The following PTPRN2 variants were observed in gnomAD, a reference collection of about 807,000 sequenced individuals.
PTPRN2 encodes protein tyrosine phosphatase receptor type N2.
PTPRN2 carries 74 observed loss-of-function variants against 118.8 expected under a neutral mutation model. The observed-to-expected ratio is 0.62, with a 90% CI of 0.52 to 0.76. The LOEUF (loss-of-function observed/expected upper bound fraction) is 0.76, where lower values mean the gene tolerates loss of function less well. Ranked by LOEUF, PTPRN2 falls within the 30% of genes least tolerant of loss-of-function variation. The pLI is 0.00. For synonymous variants in PTPRN2, 641 were observed against 608.0 expected (o/e 1.05, Z -0.80); for missense variants, 1,481 against 1,394.4 (o/e 1.06, Z -0.99).
intron 14 of PTPRN2, among the ~76,000 whole-genome samples, chr7:157,642,833 A>AAAAAAAAAAAAAAAAAAAC (rs1563293011): frequency 6.8e-6 from 1 of 146,550 alleles, no homozygotes; most frequent in Non-Finnish European, 1.5e-5. Context: ...AAAAAAAAAA[A>AAAAAAAAAAAAAAAAAAAC]AAAAAAAAAA....
Position 157,720,432 on chromosome 7 carries a change from C to T in PTPRN2, c.1789-37495G>A, listed in dbSNP as rs575519059. 3.9e-5 allele frequency among the ~76,000 whole-genome samples: 6 copies of T among 152,334 alleles called. No homozygotes were observed. In the East Asian group the frequency reaches 5.8e-4, roughly 15 times the overall value. ...AGCTCCTGCTCTGTGTTTGGGAACGCGTGCGGCCCACAGGACAAAGCCTTG... is the reference window on the plus strand; with the variant it reads ...AGCTCCTGCTCTGTGTTTGGGAACGTGTGCGGCCCACAGGACAAAGCCTTG... On this transcript the variant is annotated intron_variant, in intron 12 of 22. Coordinates refer to ENST00000389418, the MANE Select transcript of PTPRN2 (RefSeq NM_002847.5).
chr7:157,682,698 A>G (rs773234879), intron 13 of PTPRN2, 27 bp downstream of exon 13: 4 of 1,586,822 alleles, frequency 2.5e-6, no homozygotes, highest in Non-Finnish European at 3.5e-6. Flanking sequence ...AATCCGATAT[A>G]CCACTTTTTA....
intron 6 of PTPRN2, among the ~76,000 whole-genome samples, chr7:158,146,910 G>C (rs532226734): frequency 6.6e-6 from 1 of 151,722 alleles, no homozygotes; most frequent in South Asian, 2.1e-4. Context: ...CCTGTGAAGA[G>C]ACTGAATGAC....
intron 2 of PTPRN2, among the ~76,000 whole-genome samples, chr7:158,333,802 CTGAGGCCCACAGAG>C (rs1804997496): frequency 6.9e-6 from 1 of 144,258 alleles, no homozygotes; most frequent in Admixed American, 7.1e-5. Flanking sequence ...ACCATAAGAG[CTGAGGCCCACAGAG>C]GTCACTCACA....
chr7:157,969,885 G>A (rs1341251614), intron 11 of PTPRN2, among the ~76,000 whole-genome samples: 1 of 152,056 alleles, frequency 6.6e-6, no homozygotes, highest in Non-Finnish European at 1.5e-5. Context: ...GGGTCTTGGG[G>A]GAAATTCCCC....
intron 11 of PTPRN2, among the ~76,000 whole-genome samples, chr7:158,020,646 G>A (rs1806806680): frequency 6.6e-6 from 1 of 152,210 alleles, no homozygotes; most frequent in Admixed American, 6.5e-5. Context: ...TGCACCATGT[G>A]CTCCTCCTCT....
intron 15 of PTPRN2, among the ~76,000 whole-genome samples, chr7:157,620,890 C>A (rs996377331): frequency 6.6e-6 from 1 of 152,070 alleles, no homozygotes; most frequent in Non-Finnish European, 1.5e-5. Context: ...CCTCCCTCCC[C>A]GGGGACTGGT....
At chr7:158,114,055 T>C (rs77670967) in intron 9 of PTPRN2, among the ~76,000 whole-genome samples, 4 of 152,150 alleles carry the variant, frequency 2.6e-5, no homozygotes, top group African/African-American at 9.7e-5. Flanking sequence ...CCCAGGACAG[T>C]GTATTTAAAA....
intron 14 of PTPRN2, among the ~76,000 whole-genome samples, chr7:157,635,089 C>T (rs191805343): frequency 2.8e-4 from 43 of 152,340 alleles, no homozygotes; most frequent in South Asian, 1.0e-3. Context: ...AACCAGCCAA[C>T]GCCACGTATA....
intron 11 of PTPRN2, among the ~76,000 whole-genome samples, chr7:157,982,846 T>C (rs13307879): frequency 2.0e-4 from 15 of 76,464 alleles, no homozygotes; most frequent in Admixed American, 1.0e-3. Flanking sequence ...GTCACAGAGA[T>C]GAGGAGGGGA....
chr7:158,448,758 G>A lies in PTPRN2; in HGVS notation c.163+40977C>T, dbSNP rs534511469. 9.8e-5 allele frequency among the ~76,000 whole-genome samples: 15 copies of A among 152,304 alleles called. No individual in the cohort carries two copies. In the East Asian group the frequency reaches 1.5e-3, roughly 16 times the overall value. Reference sequence around the variant, plus strand: ...GCTGGGGGCATTTCCAGCCTAAGACGGGTTCAAGGCAACCCCACTCCAGTC... The same window carrying A: ...GCTGGGGGCATTTCCAGCCTAAGACAGGTTCAAGGCAACCCCACTCCAGTC... On this transcript the variant is annotated intron_variant, in intron 2 of 22. Coordinates refer to ENST00000389418, the MANE Select transcript of PTPRN2 (RefSeq NM_002847.5).
chr7:157,885,038 G>GT (rs1383241859), intron 12 of PTPRN2, among the ~76,000 whole-genome samples: 1 of 152,120 alleles, frequency 6.6e-6, no homozygotes. Flanking sequence ...TTGTGAATCG[G>GT]TTTTTTGTTA....
chr7:158,187,452 G>A (rs4909126), intron 5 of PTPRN2, among the ~76,000 whole-genome samples: 97,108 of 151,998 alleles, frequency 0.64, 31,697 homozygotes, highest in East Asian at 0.78. Context: ...GGGAGAAGCC[G>A]GGGCCCAGAT....
chr7:157,750,187 T>G (rs1326053495), intron 12 of PTPRN2, among the ~76,000 whole-genome samples: 1 of 152,170 alleles, frequency 6.6e-6, no homozygotes, highest in African/African-American at 2.4e-5. Flanking sequence ...TTGTTGTTCA[T>G]AATTTTTATT....
intron 12 of PTPRN2, among the ~76,000 whole-genome samples, chr7:157,805,068 C>T (rs916844873): frequency 1.3e-5 from 2 of 152,206 alleles, no homozygotes; most frequent in Non-Finnish European, 2.9e-5. Flanking sequence ...CCTGGAAATA[C>T]CCACAAAGGC....
chr7:158,060,522 G>C (rs562024306), intron 11 of PTPRN2, among the ~76,000 whole-genome samples: 131 of 152,250 alleles, frequency 8.6e-4, no homozygotes, highest in Non-Finnish European at 1.5e-3. Flanking sequence ...CTTCTGCTAA[G>C]GACACAGTCA....
intron 11 of PTPRN2, among the ~76,000 whole-genome samples, chr7:158,062,169 A>G (rs1810398402): frequency 6.6e-6 from 1 of 152,276 alleles, no homozygotes; most frequent in Non-Finnish European, 1.5e-5. Flanking sequence ...GTGGCTTCGC[A>G]TCAGCTCACA....
rs1019828996 is a variant in PTPRN2, at chr7:157,622,988, G to A, written c.2197-1479C>T. 4.6e-5 allele frequency among the ~76,000 whole-genome samples: 7 copies of A among 152,278 alleles called. No homozygotes were observed. The highest frequency in any genetic ancestry group is 2.1e-4 in the South Asian group (1 of 4,828). ...AAAGCGAACGAGTTCATCTACTCCCGTCACCAGCCCCGACACCCAGGAAGC... is the reference window on the plus strand; with the variant it reads ...AAAGCGAACGAGTTCATCTACTCCCATCACCAGCCCCGACACCCAGGAAGC... On this transcript the variant is annotated intron_variant, in intron 14 of 22. Transcript: ENST00000389418. The surrounding 1 kb of genome is among the most constrained non-coding windows in gnomAD (Gnocchi z 5.3).
intron 14 of PTPRN2, among the ~76,000 whole-genome samples, chr7:157,645,470 C>A (rs1398856166): frequency 6.6e-6 from 1 of 152,188 alleles, no homozygotes; most frequent in Non-Finnish European, 1.5e-5. Flanking sequence ...TCAAAATAAA[C>A]AATAAGCATC....
Sources: allele counts gnomAD v4.1 joint callset (sites outside exome capture counted in the v4.1 genomes callset), GRCh38; gene constraint gnomAD v4.1.1; non-coding constraint Gnocchi (gnomAD v3.1); transcripts MANE v1.5; gene names NCBI Gene and HGNC (gene_info 2026-07-23, HGNC 2026-07-21).